Variants in PTPRU observed in about 807,000 individuals in gnomAD.
The protein encoded by PTPRU is receptor-type tyrosine-protein phosphatase U.
Under a neutral mutation model 166.3 loss-of-function variants are expected in PTPRU, and 69 were observed. The ratio of observed to expected loss-of-function variants is 0.41; its 90% confidence interval spans 0.34 to 0.51. The LOEUF is 0.51. Ranked by LOEUF, PTPRU falls within the 20% of genes least tolerant of loss-of-function variation. PTPRU has a pLI of 0.09. For synonymous variants in PTPRU, 793 were observed against 814.0 expected (o/e 0.97, Z 0.44); for missense variants, 1,657 against 2,013.7 (o/e 0.82, Z 3.39).
chr1:29,288,571 G>C (rs1037215641), intron 14 of PTPRU, among the ~76,000 whole-genome samples: 1 of 152,174 alleles, frequency 6.6e-6, no homozygotes, highest in Non-Finnish European at 1.5e-5. Context: ...CTCTCCCTGG[G>C]ATGGAGGAGA....
In PTPRU at chr1:29,304,018, G is replaced by C. The variant is rs974675542; in HGVS notation, c.2640G>C (p.Glu880Asp). 3.1e-6 allele frequency: 5 copies of C among 1,610,646 alleles called. No individual in the cohort carries two copies. In the African/African-American group the frequency reaches 5.3e-5, roughly 17 times the overall value. ...LQHINQMKTA[E>D]GYGFKQEYES... ...ACATCAACCAGATGAAGACGGCCGA[G>C]GGTTACGGCTTCAAGCAGGAGTATG... Residue 880 changes from glutamate (E) to aspartate (D), a missense_variant, in exon 16 of 30, where the codon GAG (glutamate) becomes GAC (aspartate). Glu to Asp is a conservative substitution (Grantham distance 45, BLOSUM62 2). This residue lies in a region of PTPRU where 1,190 missense variants were observed against 1,477.4 expected (regional missense o/e 0.81). Transcript: ENST00000373779.
At chr1:29,275,411 C>G (rs1020414572) in intron 7 of PTPRU, 37 bp from the exon 8 acceptor site, 1 of 1,546,066 alleles carries the variant, frequency 6.5e-7, no homozygotes, top group Admixed American at 1.8e-5. Context: ...CTTCCCATTT[C>G]TTCTAACTTC....
chr1:29,260,299 T>TG lies in PTPRU; in HGVS notation c.850+256dup, dbSNP rs1426002275. On this transcript the variant is annotated intron_variant, in intron 6 of 29. Transcript: ENST00000373779. This position sits in a 1 kb window ranked among gnomAD's most constrained non-coding sequence, Gnocchi z 8.3. ...GCCTAAAGAGGGGTGGGGTTCTGGC[T>TG]GTGTGACTTCTGTGTTGATCCTAGC... 2.1e-6 allele frequency: 1 copy of TG among 486,262 alleles called. No individual in the cohort carries two copies. Among genetic ancestry groups the TG allele is most frequent in the Non-Finnish European group, 3.5e-6 (1 of 286,940 alleles). 30.1% of individuals were successfully genotyped at this position (486,262 alleles called of 1,614,324 possible). A position where few individuals can be genotyped will look rare whatever the true frequency, so the allele number is the denominator to read the frequency against.
chr1:29,263,646 T>C (rs971397267), intron 7 of PTPRU, among the ~76,000 whole-genome samples: 7 of 152,238 alleles, frequency 4.6e-5, no homozygotes, highest in Admixed American at 4.6e-4. Flanking sequence ...TGCATCCTTG[T>C]CACCACTTGT....
At chr1:29,314,132 G>A (rs1015668200) in intron 22 of PTPRU, among the ~76,000 whole-genome samples, 7 of 152,240 alleles carry the variant, frequency 4.6e-5, no homozygotes, top group African/African-American at 1.7e-4. Flanking sequence ...ATAAATGACA[G>A]TGTGTTTGTC....
chr1:29,303,876 T>C lies in PTPRU; in HGVS notation c.2498T>C (p.Val833Ala), dbSNP rs1687255778. Residue 833 changes from valine (V) to alanine (A), a missense_variant, in exon 16 of 30, where the codon GTC becomes GCC. Around this residue, in one of 3 missense-constraint regions of PTPRU, gnomAD observed 1,190 missense variants for 1,477.4 expected, o/e 0.81. Transcript: ENST00000373779. The part of the protein sequence containing the change: ...STRGDQRSGG[V>A]TEASSLLGGS... Reference sequence around the variant, plus strand: ...GCAGGAGACCAGCGCAGCGGTGGGGTCACTGAGGCCAGCAGCCTCCTGGGG... The same window carrying C: ...GCAGGAGACCAGCGCAGCGGTGGGGCCACTGAGGCCAGCAGCCTCCTGGGG... The C allele has an allele frequency of 6.2e-7, 1 of 1,611,416 alleles. No homozygotes were observed. Among genetic ancestry groups the C allele is most frequent in the Non-Finnish European group, 8.5e-7 (1 of 1,178,052 alleles).
At chr1:29,316,882 G>A (rs960512244) in intron 24 of PTPRU, among the ~76,000 whole-genome samples, 25 of 152,256 alleles carry the variant, frequency 1.6e-4, no homozygotes, top group Middle Eastern at 3.4e-3. Context: ...TCTTGGGGCA[G>A]GACCAGCCTC....
At chr1:29,283,059 A>G in intron 12 of PTPRU, 110 bp downstream of exon 12, 2 of 1,452,404 alleles carry the variant, frequency 1.4e-6, no homozygotes, top group South Asian at 1.3e-5. Context: ...CACTTCCCAT[A>G]GCCCCACCTC....
chr1:29,284,974 G>A lies in PTPRU; in HGVS notation c.2318+105G>A. On this transcript the variant is annotated intron_variant, in intron 14 of 29. Transcript: ENST00000373779. ...AGCTGGTAGGGCAGCTGTCCTGCAG[G>A]TGTGTGGAGGGCTGCCAGCCTGGGC... 9 of 1,423,910 alleles carry A rather than the reference G, an allele frequency of 6.3e-6. 1 individual carries two copies. In the South Asian group the frequency reaches 1.3e-4, roughly 20 times the overall value. 88.2% of individuals were successfully genotyped at this position (1,423,910 alleles called of 1,614,324 possible).
rs775341565 is a variant in PTPRU, at chr1:29,320,470, C to T, written c.3688-215C>T. On this transcript the variant is annotated intron_variant, in intron 25 of 29. Transcript: ENST00000373779. The surrounding 1 kb of genome is among the most constrained non-coding windows in gnomAD (Gnocchi z 5.2). ...CTTTTGCTGTTTAGTTCTGGGGGGT[C>T]ATGGGCTTGGTCCCCAGAGGCCTGG... 6.9e-6 allele frequency: 3 copies of T among 434,516 alleles called. No homozygotes were observed. The highest frequency in any genetic ancestry group is 1.2e-5 in the Non-Finnish European group (3 of 253,164). 26.9% of individuals were successfully genotyped at this position (434,516 alleles called of 1,614,324 possible). A position where few individuals can be genotyped will look rare whatever the true frequency, so the allele number is the denominator to read the frequency against.
intron 18 of PTPRU, among the ~76,000 whole-genome samples, chr1:29,307,664 C>T (rs1024488449): frequency 6.6e-6 from 1 of 152,154 alleles, no homozygotes; most frequent in Admixed American, 6.5e-5. Flanking sequence ...TGAAACTCAA[C>T]CCCGACCATT....
rs1289306115 is a variant in PTPRU, at chr1:29,238,769, G to A, written c.73+2052G>A. 1.3e-5 allele frequency among the ~76,000 whole-genome samples: 2 copies of A among 151,656 alleles called. No individual in the cohort carries two copies. Among genetic ancestry groups the A allele is most frequent in the Non-Finnish European group, 2.9e-5 (2 of 67,954 alleles). On this transcript the variant is annotated intron_variant, in intron 1 of 29. Transcript: ENST00000373779. This position sits in a 1 kb window ranked among gnomAD's most constrained non-coding sequence, Gnocchi z 6.1. Reference sequence around the variant, plus strand: ...ATCAAACCCGCGGGGTTCTGTATGCGCCCCATCCCCGCTCCTACCACCATC... The same window carrying A: ...ATCAAACCCGCGGGGTTCTGTATGCACCCCATCCCCGCTCCTACCACCATC...
At chr1:29,258,870 A>C (rs1467738157) in intron 3 of PTPRU, 94 bp downstream of exon 3, 1 of 1,485,226 alleles carries the variant, frequency 6.7e-7, no homozygotes, top group Non-Finnish European at 9.0e-7. Flanking sequence ...CTGAAGTTAG[A>C]ATGTGTCTGC....
intron 2 of PTPRU, 115 bp from the exon 3 acceptor site, chr1:29,258,390 C>T (rs2151944589): frequency 8.5e-7 from 1 of 1,173,832 alleles, no homozygotes; most frequent in Non-Finnish European, 1.2e-6. Flanking sequence ...AACTCAGAAT[C>T]CCTGACTCCT....
chr1:29,299,825 T>C (rs1026693932), intron 15 of PTPRU, among the ~76,000 whole-genome samples: 8 of 152,180 alleles, frequency 5.3e-5, no homozygotes, highest in Non-Finnish European at 8.8e-5. Flanking sequence ...AAGTCCCTCT[T>C]CTTGAAACTG....
intron 15 of PTPRU, among the ~76,000 whole-genome samples, chr1:29,293,268 G>A (rs1206535883): frequency 2.0e-5 from 3 of 151,960 alleles, no homozygotes; most frequent in Non-Finnish European, 2.9e-5. Context: ...GTGAGCCACC[G>A]CACCTGGCCA....
Position 29,315,120 on chromosome 1 carries a change from C to A in PTPRU, c.3228-252C>A, listed in dbSNP as rs1687838629. Reference sequence around the variant, plus strand: ...AGTTGCTAGGTTGAGCCAGTGTCACCTTTGCATTCTCCCCACCCTCTCTCC... The same window carrying A: ...AGTTGCTAGGTTGAGCCAGTGTCACATTTGCATTCTCCCCACCCTCTCTCC... On this transcript the variant is annotated intron_variant, in intron 22 of 29. Coordinates refer to ENST00000373779, the MANE Select transcript of PTPRU (RefSeq NM_133178.4). This position sits in a 1 kb window ranked among gnomAD's most constrained non-coding sequence, Gnocchi z 4.5. 6.6e-6 allele frequency among the ~76,000 whole-genome samples: 1 copy of A among 152,160 alleles called. No homozygotes were observed. Among genetic ancestry groups the A allele is most frequent in the South Asian group, 2.1e-4 (1 of 4,830 alleles).
At chr1:29,297,029 C>T (rs1686915441) in intron 15 of PTPRU, among the ~76,000 whole-genome samples, 1 of 149,716 alleles carries the variant, frequency 6.7e-6, no homozygotes, top group South Asian at 2.1e-4. Flanking sequence ...CCATTTTATA[C>T]CATTTTACCC....
In PTPRU at chr1:29,296,345, A is replaced by G. The variant is rs539576117; in HGVS notation, c.2476+4319A>G. ...CTGAGAGGTTTTAAGTGGGCATTAA[A>G]CTTACCAAATACTTTTTTCTGCAAT... On this transcript the variant is annotated intron_variant, in intron 15 of 29. Coordinates refer to ENST00000373779, the MANE Select transcript of PTPRU (RefSeq NM_133178.4). Among the ~76,000 whole-genome samples, 52 of 152,234 alleles carry G rather than the reference A, an allele frequency of 3.4e-4. No individual in the cohort carries two copies. The Middle Eastern group carries it at 0.014, about 40-fold the overall frequency.
Sources: gnomAD v4.1 joint callset for allele counts (sites outside exome capture counted in the v4.1 genomes callset) on GRCh38, gnomAD v4.1.1 for gene constraint, gnomAD v4.1.1 regional missense constraint, Gnocchi (gnomAD v3.1) non-coding constraint, MANE v1.5 for transcripts, NCBI Gene and HGNC (gene_info 2026-07-23, HGNC 2026-07-21) for gene names.